The following CNTN4 variants were observed in gnomAD, a reference collection of about 807,000 sequenced individuals.
CNTN4 encodes the protein contactin-4.
In CNTN4, 77 loss-of-function variants were observed where a neutral mutation model predicts 122.5. The ratio of observed to expected loss-of-function variants is 0.63; its 90% CI spans 0.52 to 0.76. The LOEUF is 0.76. Ranked by LOEUF, CNTN4 falls within the 30% of genes least tolerant of loss-of-function variation. The pLI, the probability that CNTN4 is intolerant of heterozygous loss-of-function variation, is 0.00. For missense variants in CNTN4, 1,256 were observed against 1,259.1 expected (o/e 1.00, Z 0.04); for synonymous variants, 512 against 447.0 (o/e 1.15, Z -1.83).
intron 2 of CNTN4, among the ~76,000 whole-genome samples, chr3:2,263,570 A>C (rs1485273064): frequency 2.6e-5 from 4 of 152,118 alleles, no homozygotes; most frequent in Admixed American, 1.3e-4. Context: ...TGTAGTAATG[A>C]TCAAATTAGA....
chr3:2,736,295 G>C lies in CNTN4; in HGVS notation c.136G>C (p.Val46Leu), dbSNP rs1310118644. The change falls in exon 5 of 25, where the codon GTG (valine) becomes CTG (leucine). Residue 46 changes from valine to leucine, a missense_variant. By Grantham distance (32) the Val-to-Leu change is conservative (BLOSUM62 1). Coordinates refer to ENST00000418658, the MANE Select transcript of CNTN4 (RefSeq NM_175607.3). ...CCCTTTGGATTCTGAGGAGAAAAAA[G>C]TGAAGCTCAATTGTGAAGTTAAAGG... ...MFPLDSEEKK[V>L]KLNCEVKGNP... The C allele has an allele frequency of 3.7e-6, 6 of 1,613,720 alleles. No homozygotes were observed. In the Admixed American group the frequency reaches 8.3e-5, roughly 22 times the overall value.
At chr3:3,012,104 C>T (rs56670580) in intron 14 of CNTN4, among the ~76,000 whole-genome samples, 2,899 of 152,244 alleles carry the variant, frequency 0.019, 92 homozygotes, top group African/African-American at 0.066. Context: ...GACTTCAAAA[C>T]TCAGTTTCTT....
intron 2 of CNTN4, among the ~76,000 whole-genome samples, chr3:2,290,185 T>A (rs1418901590): frequency 6.6e-6 from 1 of 152,088 alleles, no homozygotes; most frequent in Non-Finnish European, 1.5e-5. Flanking sequence ...AGAGCATTGA[T>A]CCCAGAAACA....
intron 10 of CNTN4, among the ~76,000 whole-genome samples, chr3:2,890,017 A>G (rs2094020676): frequency 6.6e-6 from 1 of 152,194 alleles, no homozygotes; most frequent in Non-Finnish European, 1.5e-5. Flanking sequence ...CATGCATGGG[A>G]AAAAGAGCAG....
rs144682632 is a variant in CNTN4, at chr3:2,395,265, C to T, written c.-89+56032C>T. Among the ~76,000 whole-genome samples the T allele has an allele frequency of 6.0e-3, 917 of 152,190 alleles. 5 individuals are homozygous for T. Among genetic ancestry groups the T allele is most frequent in the Admixed American group, 0.014 (212 of 15,274 alleles). The stretch of plus-strand genomic sequence containing the variant: ...ACAGGAAGCCATACACAAGGAAATG[C>T]ATACTGTTTGTATTCACATACAACA... On this transcript the variant is annotated intron_variant, in intron 3 of 24. Transcript: ENST00000418658.
chr3:2,850,423 G>A (rs1477873998), intron 7 of CNTN4, among the ~76,000 whole-genome samples: 1 of 152,132 alleles, frequency 6.6e-6, no homozygotes, highest in East Asian at 1.9e-4. Context: ...ATGATCTCAT[G>A]TATTTGTTTA....
chr3:2,756,866 G>T (rs1043043771), intron 6 of CNTN4, among the ~76,000 whole-genome samples: 3 of 152,140 alleles, frequency 2.0e-5, no homozygotes, highest in Non-Finnish European at 2.9e-5. Flanking sequence ...TTGATTTCGG[G>T]TATCTAGCTT....
In CNTN4 at chr3:2,573,775, G is replaced by T. The variant is rs545893639; in HGVS notation, c.55+2217G>T. Among the ~76,000 whole-genome samples the T allele has an allele frequency of 3.3e-5, 5 of 152,198 alleles. No homozygotes were observed. The South Asian group carries it at 1.0e-3, about 32-fold the overall frequency. ...GATTGTTTTTGTGAGGCTTTTTTGT[G>T]ACCTGTTTTACACGGCATTAATATT... On this transcript the variant is annotated intron_variant, in intron 4 of 24. Transcript: ENST00000418658.
chr3:2,243,077 C>T (rs1192409731), intron 2 of CNTN4, among the ~76,000 whole-genome samples: 2 of 152,114 alleles, frequency 1.3e-5, no homozygotes, highest in South Asian at 4.1e-4. Flanking sequence ...CTCCATGCTT[C>T]TGTATTTGTA....
intron 3 of CNTN4, among the ~76,000 whole-genome samples, chr3:2,379,000 C>A (rs2045922391): frequency 6.6e-6 from 1 of 152,096 alleles, no homozygotes. Context: ...AACAATTTTC[C>A]TTTTCATTGC....
chr3:2,291,444 A>G (rs960581509), intron 2 of CNTN4, among the ~76,000 whole-genome samples: 1 of 152,148 alleles, frequency 6.6e-6, no homozygotes, highest in African/African-American at 2.4e-5. Context: ...ACTGGTTCCT[A>G]TCCTCTCCCC....
intron 3 of CNTN4, among the ~76,000 whole-genome samples, chr3:2,411,293 A>C (rs1375181233): frequency 6.6e-6 from 1 of 152,214 alleles, no homozygotes; most frequent in East Asian, 1.9e-4. Context: ...TTATGTAACA[A>C]ACCTGCACAC....
intron 4 of CNTN4, among the ~76,000 whole-genome samples, chr3:2,643,327 C>T (rs1230716121): frequency 6.6e-6 from 1 of 152,110 alleles, no homozygotes; most frequent in Non-Finnish European, 1.5e-5. Context: ...GTCCCCACCA[C>T]CACACCTGGC....
intron 3 of CNTN4, among the ~76,000 whole-genome samples, chr3:2,566,907 T>C (rs1013944679): frequency 6.6e-6 from 1 of 152,190 alleles, no homozygotes; most frequent in African/African-American, 2.4e-5. Flanking sequence ...TAATTAGAGA[T>C]GTAGTCAACT....
intron 4 of CNTN4, among the ~76,000 whole-genome samples, chr3:2,713,011 C>A (rs1294250810): frequency 6.6e-6 from 1 of 152,188 alleles, no homozygotes; most frequent in Non-Finnish European, 1.5e-5. Context: ...AACCAGCAAA[C>A]ATTGCGTTCC....
intron 3 of CNTN4, among the ~76,000 whole-genome samples, chr3:2,415,610 G>T (rs1013636542): frequency 3.9e-5 from 6 of 152,196 alleles, no homozygotes; most frequent in Admixed American, 6.5e-5. Flanking sequence ...CGTTTGCTTG[G>T]TATACATTTC....
chr3:2,911,792 A>G (rs1353732419), intron 12 of CNTN4, among the ~76,000 whole-genome samples: 1 of 152,208 alleles, frequency 6.6e-6, no homozygotes, highest in Non-Finnish European at 1.5e-5. Flanking sequence ...AATTCAGAAT[A>G]TAGTACTCAA....
intron 3 of CNTN4, among the ~76,000 whole-genome samples, chr3:2,488,949 G>T (rs990765188): frequency 6.6e-6 from 1 of 152,300 alleles, no homozygotes; most frequent in Non-Finnish European, 1.5e-5. Context: ...AAAAAGGAAT[G>T]ATAAATAATA....
rs550800175 is a variant in CNTN4 at position 2,733,614 on chromosome 3, G to A, written c.56-2601G>A. Among the ~76,000 whole-genome samples the A allele has an allele frequency of 1.5e-3, 224 of 146,182 alleles. 1 individual carries two copies. In the Middle Eastern group the frequency reaches 0.018, roughly 12 times the overall value. On this transcript the variant is annotated intron_variant, in intron 4 of 24. Coordinates refer to ENST00000418658, the MANE Select transcript of CNTN4 (RefSeq NM_175607.3). ...AGTGGTGTGATCTCGGTTCACTGGAGACTCCGCCTCCCAGGTTCAAGAGAT... is the reference window on the plus strand; with the variant it reads ...AGTGGTGTGATCTCGGTTCACTGGAAACTCCGCCTCCCAGGTTCAAGAGAT...
Sources: allele counts gnomAD v4.1 joint callset (sites outside exome capture counted in the v4.1 genomes callset), GRCh38; gene constraint gnomAD v4.1.1; transcripts MANE v1.5; gene names NCBI Gene and HGNC (gene_info 2026-07-23, HGNC 2026-07-21).